The following CCDC60 variants were observed in gnomAD, a reference collection of about 807,000 sequenced individuals.
The protein encoded by CCDC60 is coiled-coil domain-containing protein 60.
In CCDC60, 54 loss-of-function variants were observed where a neutral mutation model predicts 63.5. The ratio of observed to expected loss-of-function variants is 0.85; its 90% CI spans 0.68 to 1.07. The LOEUF (loss-of-function observed/expected upper bound fraction) is 1.07. Among genes scored for constraint, CCDC60 ranks in the 50% least tolerant of loss-of-function variants. The pLI, the probability that CCDC60 is intolerant of heterozygous loss-of-function variation, is 0.00. For synonymous variants in CCDC60, 206 were observed against 238.8 expected, an observed-to-expected ratio of 0.86 and a Z score of 1.27; for missense variants, 651 against 684.3, an observed-to-expected ratio of 0.95 and a Z score of 0.54.
intron 1 of CCDC60, among the ~76,000 whole-genome samples, chr12:119,387,604 A>G (rs1956083203): frequency 6.6e-6 from 1 of 152,160 alleles, no homozygotes; most frequent in Non-Finnish European, 1.5e-5. Flanking sequence ...ATGAATGTAT[A>G]TATATATGAA....
intron 1 of CCDC60, among the ~76,000 whole-genome samples, chr12:119,396,872 T>C (rs1420096583): frequency 6.6e-6 from 1 of 152,224 alleles, no homozygotes; most frequent in African/African-American, 2.4e-5. Context: ...TTGGTCTCGC[T>C]GACTTCAAGA....
At chr12:119,516,971 A>C (rs1952371007) in intron 8 of CCDC60, among the ~76,000 whole-genome samples, 1 of 152,074 alleles carries the variant, frequency 6.6e-6, no homozygotes, top group African/African-American at 2.4e-5. Context: ...CATGACTCTA[A>C]TCTAGACCTT....
At chr12:119,440,357 A>G (rs1451410282) in intron 2 of CCDC60, among the ~76,000 whole-genome samples, 1 of 152,006 alleles carries the variant, frequency 6.6e-6, no homozygotes, top group South Asian at 2.1e-4. Context: ...GGCGAAACCC[A>G]GTCTCTACTA....
chr12:119,459,033 C>T (rs1012457492), intron 2 of CCDC60, among the ~76,000 whole-genome samples: 6 of 152,158 alleles, frequency 3.9e-5, no homozygotes, highest in South Asian at 2.1e-4. Context: ...GGATTACAGG[C>T]GTGAACCACC....
At chr12:119,486,329 G>A (rs1951438034) in intron 4 of CCDC60, among the ~76,000 whole-genome samples, 1 of 152,072 alleles carries the variant, frequency 6.6e-6, no homozygotes, top group South Asian at 2.1e-4. Context: ...TGGAGGCCAG[G>A]AGTTTGACGC....
chr12:119,428,979 C>CATCT lies in CCDC60; in HGVS notation c.170+217_170+218insATCT, dbSNP rs36025111. 6.6e-6 allele frequency: 3 copies of CATCT among 453,184 alleles called. No individual in the cohort carries two copies. The South Asian group carries it at 1.2e-4, about 19-fold the overall frequency. The allele number at this position is 453,184 out of a possible 1,614,324, so 28.1% of individuals were successfully genotyped here. A position where few individuals can be genotyped will look rare whatever the true frequency, so the allele number is the denominator to read the frequency against. On this transcript the variant is annotated intron_variant, in intron 2 of 13. Coordinates refer to ENST00000327554, the MANE Select transcript of CCDC60 (RefSeq NM_178499.5). ...TACCCATGCCATGCCAGCCTCCAGCCGCCTAGAATTCCCTCTGCTTTTCTT... is the reference window on the plus strand; with the variant it reads ...TACCCATGCCATGCCAGCCTCCAGCCATCTGCCTAGAATTCCCTCTGCTTTTCTT...
At chr12:119,353,423 A>G (rs1955677163) in intron 1 of CCDC60, among the ~76,000 whole-genome samples, 1 of 151,180 alleles carries the variant, frequency 6.6e-6, no homozygotes, top group South Asian at 2.1e-4. Context: ...GAAACTGTGC[A>G]TTAAACAAAT....
chr12:119,488,099 C>T (rs538381051), intron 4 of CCDC60, among the ~76,000 whole-genome samples: 93 of 152,322 alleles, frequency 6.1e-4, no homozygotes, highest in African/African-American at 2.1e-3. Context: ...TACACAAATG[C>T]GCCATCATTC....
rs1172478843 is a variant in CCDC60, at chr12:119,456,044, AAAGAAAGAAAGAAAGAAAGC to A, written c.171-15946_171-15927del. Among the ~76,000 whole-genome samples, 296 of 135,484 alleles carry A rather than the reference AAAGAAAGAAAGAAAGAAAGC, an allele frequency of 2.2e-3. 10 individuals are homozygous for A. The highest frequency in any genetic ancestry group is 1.7e-3 in the African/African-American group (66 of 38,654). The allele number at this position is 135,484 out of a possible 152,430, so 88.9% of individuals were successfully genotyped here. A position where few individuals can be genotyped will look rare whatever the true frequency, so the allele number is the denominator to read the frequency against. Reference sequence around the variant, plus strand: ...GAAAGAAAGAAAGAAAGAAAGAAAGAAAGAAAGAAAGAAAGAAAGCAAGCAAGCATGTGCAATTTCAAGGG... The same window carrying A: ...GAAAGAAAGAAAGAAAGAAAGAAAGAAAGCAAGCATGTGCAATTTCAAGGG... On this transcript the variant is annotated intron_variant, in intron 2 of 13. Coordinates refer to ENST00000327554, the MANE Select transcript of CCDC60 (RefSeq NM_178499.5). This position sits in a 1 kb window ranked among gnomAD's most constrained non-coding sequence, Gnocchi z 4.6.
At chr12:119,527,105 A>G (rs1952699243) in intron 11 of CCDC60, among the ~76,000 whole-genome samples, 1 of 152,198 alleles carries the variant, frequency 6.6e-6, no homozygotes, top group African/African-American at 2.4e-5. Context: ...GAGATCATGT[A>G]TTTTTGGGGA....
intron 1 of CCDC60, among the ~76,000 whole-genome samples, chr12:119,355,082 G>A (rs191782686): frequency 6.6e-6 from 1 of 152,270 alleles, no homozygotes; most frequent in East Asian, 1.9e-4. Context: ...CACCTCTCAT[G>A]CCAAGCCTCA....
chr12:119,505,988 T>C (rs546099796), intron 7 of CCDC60, among the ~76,000 whole-genome samples: 1 of 114,410 alleles, frequency 8.7e-6, no homozygotes, highest in African/African-American at 2.8e-5. Context: ...GGTGTCTACT[T>C]TTTTAAACAG....
chr12:119,509,732 G>A (rs1354524804), intron 7 of CCDC60, among the ~76,000 whole-genome samples: 2 of 152,104 alleles, frequency 1.3e-5, no homozygotes, highest in Non-Finnish European at 2.9e-5. Flanking sequence ...TCCTTTGTAT[G>A]TACATTAATT....
rs988626441 is a variant in CCDC60, at chr12:119,516,544, G to C, written c.884-79G>C. On this transcript the variant is annotated intron_variant, in intron 7 of 13. Transcript: ENST00000327554. ...TCAGGAGCAGAGGTGACCCCAGTTT[G>C]GGGGGCTGCACCCTGTTCTGCACAA... The C allele has an allele frequency of 7.1e-5, 66 of 930,474 alleles. No homozygotes were observed. The East Asian group carries it at 1.6e-3, about 22-fold the overall frequency. The allele number at this position is 930,474 out of a possible 1,614,324, so 57.6% of individuals were successfully genotyped here. A position where few individuals can be genotyped will look rare whatever the true frequency, so the allele number is the denominator to read the frequency against.
chr12:119,433,588 T>C (rs1330425609), intron 2 of CCDC60: 1 of 702,286 alleles, frequency 1.4e-6, no homozygotes, highest in East Asian at 2.7e-5. Context: ...TGGCACAAAC[T>C]CCCTGACCCC....
rs543373313 is a variant in CCDC60, at chr12:119,405,890, G to A, written c.91-22793G>A. 3.0e-4 allele frequency among the ~76,000 whole-genome samples: 45 copies of A among 152,006 alleles called. No individual in the cohort carries two copies. In the South Asian group the frequency reaches 4.2e-3, roughly 14 times the overall value. The stretch of plus-strand genomic sequence containing the variant: ...TTCTGTAATTAAAAAATATAGATGA[G>A]GCTGGGTGTGGTGGCTCACGCCTGT... On this transcript the variant is annotated intron_variant, in intron 1 of 13. Transcript: ENST00000327554.
intron 1 of CCDC60, among the ~76,000 whole-genome samples, chr12:119,418,572 G>A (rs531471172): frequency 9.3e-4 from 141 of 151,466 alleles, no homozygotes; most frequent in African/African-American, 3.2e-3. Context: ...ACGCCACCAC[G>A]CCCAGCTAAT....
chr12:119,442,337 T>C (rs929424404), intron 2 of CCDC60, among the ~76,000 whole-genome samples: 1 of 152,140 alleles, frequency 6.6e-6, no homozygotes, highest in Non-Finnish European at 1.5e-5. Context: ...ATGGGCCAGG[T>C]GCGGTGGCTC....
In CCDC60 at chr12:119,419,524, G is replaced by GTT. The variant is rs541871822; in HGVS notation, c.91-9158_91-9157dup. On this transcript the variant is annotated intron_variant, in intron 1 of 13. Transcript: ENST00000327554. Reference sequence around the variant, plus strand: ...AAAGTGGTGTCCGCCAGACCTCACCGTTATATGGGTATCTCGTTTCCTTTG... The same window carrying GTT: ...AAAGTGGTGTCCGCCAGACCTCACCGTTTTATATGGGTATCTCGTTTCCTTTG... Among the ~76,000 whole-genome samples, 432 of 152,276 alleles carry GTT rather than the reference G, an allele frequency of 2.8e-3. 1 individual carries two copies. Among genetic ancestry groups the GTT allele is most frequent in the African/African-American group, 9.7e-3 (402 of 41,540 alleles).
Sources: gnomAD v4.1 joint callset for allele counts (sites outside exome capture counted in the v4.1 genomes callset) on GRCh38, gnomAD v4.1.1 for gene constraint, Gnocchi (gnomAD v3.1) non-coding constraint, MANE v1.5 for transcripts, NCBI Gene and HGNC (gene_info 2026-07-23, HGNC 2026-07-21) for gene names.